The following CUX2 variants were observed in gnomAD, a reference collection of about 807,000 sequenced individuals.
CUX2 encodes the protein cut like homeobox 2.
In CUX2, 40 loss-of-function variants were observed where a neutral mutation model predicts 144.8. The observed-to-expected ratio is 0.28, with a 90% CI of 0.21 to 0.36. The LOEUF is 0.36. CUX2 is among the 10% of genes least tolerant of loss of function. The pLI, the probability that CUX2 is intolerant of heterozygous loss-of-function variation, is 1.00. For missense variants in CUX2, 1,615 were observed against 1,994.0 expected (o/e 0.81, Z 3.62); for synonymous variants, 827 against 875.6 (o/e 0.94, Z 0.98).
intron 1 of CUX2, among the ~76,000 whole-genome samples, chr12:111,102,557 T>C (rs991256864): frequency 6.6e-6 from 1 of 152,240 alleles, no homozygotes; most frequent in African/African-American, 2.4e-5. Flanking sequence ...GCTCATTCAG[T>C]GAGGCCCTCT....
At chr12:111,228,247 G>C (rs1340480493) in intron 3 of CUX2, among the ~76,000 whole-genome samples, 1 of 152,118 alleles carries the variant, frequency 6.6e-6, no homozygotes, top group Non-Finnish European at 1.5e-5. Context: ...TCTGGAACCA[G>C]ACTGCCTGGG....
chr12:111,036,016 G>C (rs1869428786), intron 1 of CUX2, among the ~76,000 whole-genome samples: 1 of 152,320 alleles, frequency 6.6e-6, no homozygotes, highest in African/African-American at 2.4e-5. Context: ...GAAGGCCAAT[G>C]GTAATCGTAT....
chr12:111,329,233 C>A (rs1306257307), intron 18 of CUX2, among the ~76,000 whole-genome samples: 5 of 151,232 alleles, frequency 3.3e-5, no homozygotes, highest in Admixed American at 3.3e-4. Context: ...GGTCACTCTG[C>A]TCTCTCTCCT....
chr12:111,293,377 C>G lies in CUX2; in HGVS notation c.437-69C>G. On this transcript the variant is annotated intron_variant, in intron 5 of 21. Coordinates refer to ENST00000261726, the MANE Select transcript of CUX2 (RefSeq NM_015267.4). The surrounding 1 kb of genome is among the most constrained non-coding windows in gnomAD (Gnocchi z 4.5). ...CACAATCAATGATCGATCCGGTTTA[C>G]AGAAAGCGGCTCTGGCTGCCACGTT... 1 of 1,536,028 alleles carries G rather than the reference C, an allele frequency of 6.5e-7. No homozygotes were observed. Among genetic ancestry groups the G allele is most frequent in the Non-Finnish European group, 8.8e-7 (1 of 1,140,728 alleles).
chr12:111,262,932 C>T (rs547744060), intron 3 of CUX2, among the ~76,000 whole-genome samples: 30 of 152,310 alleles, frequency 2.0e-4, no homozygotes, highest in African/African-American at 6.5e-4. Context: ...ACCAACACAC[C>T]GTGTGCCGGG....
intron 1 of CUX2, among the ~76,000 whole-genome samples, chr12:111,134,890 T>G (rs749668475): frequency 1.3e-5 from 2 of 152,104 alleles, no homozygotes; most frequent in Non-Finnish European, 2.9e-5. Flanking sequence ...TACAGCTAGT[T>G]CAGTGTGATC....
At chr12:111,096,991 AAAG>A (rs1192476104) in intron 1 of CUX2, among the ~76,000 whole-genome samples, 3 of 152,132 alleles carry the variant, frequency 2.0e-5, no homozygotes, top group Non-Finnish European at 2.9e-5. Flanking sequence ...AAAAAAAGAA[AAAG>A]AAGAAGTTGG....
At chr12:111,218,150 G>C (rs549161462) in intron 3 of CUX2, among the ~76,000 whole-genome samples, 47 of 152,290 alleles carry the variant, frequency 3.1e-4, no homozygotes, top group African/African-American at 1.1e-3. Context: ...CAGAATTCAA[G>C]TCTGATCCCA....
chr12:111,053,855 T>C (rs74459128), intron 1 of CUX2, among the ~76,000 whole-genome samples: 6,032 of 152,284 alleles, frequency 0.04, 415 homozygotes, highest in African/African-American at 0.14. Flanking sequence ...GATCAGAGGT[T>C]ACCTTTTAAA....
chr12:111,080,375 A>G (rs1871815168), intron 1 of CUX2, among the ~76,000 whole-genome samples: 2 of 152,072 alleles, frequency 1.3e-5, no homozygotes, highest in Non-Finnish European at 2.9e-5. Context: ...TCTCCCATTA[A>G]AATGTCAGCT....
At chr12:111,093,650 A>G (rs1872660327) in intron 1 of CUX2, among the ~76,000 whole-genome samples, 1 of 152,038 alleles carries the variant, frequency 6.6e-6, no homozygotes, top group Admixed American at 6.6e-5. Flanking sequence ...CGGGGGGGCG[A>G]TGAACACCTG....
chr12:111,132,207 C>T (rs1440496599), intron 1 of CUX2, among the ~76,000 whole-genome samples: 1 of 152,208 alleles, frequency 6.6e-6, no homozygotes, highest in Non-Finnish European at 1.5e-5. Context: ...GGGCTTCTGC[C>T]CTCTGAAGCC....
intron 1 of CUX2, among the ~76,000 whole-genome samples, chr12:111,175,340 C>G (rs1255643542): frequency 2.2e-5 from 2 of 92,718 alleles, no homozygotes; most frequent in African/African-American, 5.0e-5. Context: ...CCCACCCACA[C>G]CTTTTTTTTT....
At chr12:111,088,869 G>A (rs553911245) in intron 1 of CUX2, among the ~76,000 whole-genome samples, 3 of 152,286 alleles carry the variant, frequency 2.0e-5, no homozygotes, top group Non-Finnish European at 2.9e-5. Flanking sequence ...TGGTACCCCC[G>A]TCTGACGAGG....
At chr12:111,319,452 G>T (rs1887391494) in intron 16 of CUX2, among the ~76,000 whole-genome samples, 1 of 151,866 alleles carries the variant, frequency 6.6e-6, no homozygotes, top group South Asian at 2.1e-4. Flanking sequence ...GTAAAAGTCA[G>T]GTCAGGCCGG....
At chr12:111,242,490 T>C (rs1883071824) in intron 3 of CUX2, among the ~76,000 whole-genome samples, 2 of 152,176 alleles carry the variant, frequency 1.3e-5, no homozygotes, top group Admixed American at 1.3e-4. Flanking sequence ...TGGCTCTTGA[T>C]GAAACAGGTT....
At chr12:111,344,158 C>T (rs1463528750) in intron 21 of CUX2, among the ~76,000 whole-genome samples, 1 of 152,256 alleles carries the variant, frequency 6.6e-6, no homozygotes, top group Non-Finnish European at 1.5e-5. Flanking sequence ...ATTTCCTTCC[C>T]TCCCTGGGGG....
intron 4 of CUX2, among the ~76,000 whole-genome samples, chr12:111,268,207 G>GTTTGTTT (rs201865877): frequency 1.6e-4 from 23 of 142,838 alleles, no homozygotes; most frequent in Admixed American, 2.7e-4. Flanking sequence ...TTTGGTTTTT[G>GTTTGTTT]TTTGTTTTTT....
intron 1 of CUX2, among the ~76,000 whole-genome samples, chr12:111,097,655 T>C (rs1872902351): frequency 6.6e-6 from 1 of 152,074 alleles, no homozygotes. Flanking sequence ...AGACCACCCG[T>C]GACTGCACAA....
Sources: allele counts gnomAD v4.1 joint callset (sites outside exome capture counted in the v4.1 genomes callset), GRCh38; gene constraint gnomAD v4.1.1; non-coding constraint Gnocchi (gnomAD v3.1); transcripts MANE v1.5; gene names NCBI Gene and HGNC (gene_info 2026-07-23, HGNC 2026-07-21).